EPB41L4A: variants seen among roughly 807,000 people sequenced by gnomAD.
EPB41L4A encodes the protein erythrocyte membrane protein band 4.1 like 4A.
In EPB41L4A, 100 loss-of-function variants were observed where a neutral mutation model predicts 108.6. The ratio of observed to expected loss-of-function variants is 0.92; its 90% CI spans 0.78 to 1.09. The LOEUF is 1.09. EPB41L4A is among the 50% of genes least tolerant of loss of function. The pLI, the probability that EPB41L4A is intolerant of heterozygous loss-of-function variation, is 0.00. For missense variants in EPB41L4A, 1,030 were observed against 842.7 expected (o/e 1.22, Z -2.75); for synonymous variants, 319 against 289.0 (o/e 1.10, Z -1.05).
rs369257445 is a variant in EPB41L4A, at chr5:112,184,087, A to G, written c.1551T>C (p.Ala517=). The part of the protein sequence containing the change: ...DMVDSAPQWE[A]VLRRQKEKNQ... ...TTTTTTCCTTTTGTCTCCTTAATAC[A>G]GCTTCCCACTGAGGCGCTGAATCAA... The change falls in exon 18 of 23, where the codon GCT becomes GCC. Residue 517 remains alanine (A), a synonymous_variant. Transcript: ENST00000261486. 6 of 1,613,982 alleles carry G rather than the reference A, an allele frequency of 3.7e-6. No individual in the cohort carries two copies. The highest frequency in any genetic ancestry group is 2.5e-6 in the Non-Finnish European group (3 of 1,179,944).
intron 1 of EPB41L4A, among the ~76,000 whole-genome samples, chr5:112,391,658 C>T (rs1438139492): frequency 6.6e-6 from 1 of 152,190 alleles, no homozygotes; most frequent in African/African-American, 2.4e-5. Flanking sequence ...AAACACTCTT[C>T]AGGATATTAT....
chr5:112,339,061 T>C (rs566227875), intron 1 of EPB41L4A, among the ~76,000 whole-genome samples: 12 of 151,958 alleles, frequency 7.9e-5, no homozygotes, highest in Non-Finnish European at 1.3e-4. Flanking sequence ...GAAGAGCATA[T>C]GAATGCAAGA....
In EPB41L4A at chr5:112,145,858, T is replaced by A. The variant is rs1280703938; in HGVS notation, n.1112+23A>T. On this transcript the variant is annotated intron_variant and non_coding_transcript_variant, in intron 13 of 13. Coordinates refer to the EPB41L4A transcript ENST00000507810. ...TATTAAATAGCTATTGAGACAATTATCAATATACATAATTACACTTACATC... is the reference window on the plus strand; with the variant it reads ...TATTAAATAGCTATTGAGACAATTAACAATATACATAATTACACTTACATC... 1.3e-5 allele frequency: 6 copies of A among 453,564 alleles called. No homozygotes were observed. In the Admixed American group the frequency reaches 1.4e-4, roughly 11 times the overall value. The allele number at this position is 453,564 out of a possible 1,614,324, so 28.1% of individuals were successfully genotyped here. A position where few individuals can be genotyped will look rare whatever the true frequency, so the allele number is the denominator to read the frequency against.
At chr5:112,229,677 G>A (rs1027183679) in intron 12 of EPB41L4A, among the ~76,000 whole-genome samples, 1 of 151,576 alleles carries the variant, frequency 6.6e-6, no homozygotes, top group Non-Finnish European at 1.5e-5. Flanking sequence ...TTCCATTCCT[G>A]AGTTACTTCA....
At chr5:112,175,822 G>A (rs926849371) in intron 18 of EPB41L4A, among the ~76,000 whole-genome samples, 11 of 151,982 alleles carry the variant, frequency 7.2e-5, no homozygotes, top group African/African-American at 2.4e-4. Context: ...TAAGGGATGC[G>A]GTCTCACTAT....
downstream of EPB41L4A, chr5:112,161,938 T>C (rs1164217179): frequency 6.3e-6 from 1 of 159,330 alleles, no homozygotes; most frequent in Non-Finnish European, 1.4e-5. Flanking sequence ...CCACAGCTTA[T>C]TTTTGGGAAG....
intron 1 of EPB41L4A, among the ~76,000 whole-genome samples, chr5:112,330,152 A>G (rs1173432865): frequency 6.6e-6 from 1 of 151,672 alleles, no homozygotes; most frequent in African/African-American, 2.4e-5. Context: ...TGCTGAAAGT[A>G]TTTCCCCCAC....
chr5:112,340,312 T>G (rs991662088), intron 1 of EPB41L4A, among the ~76,000 whole-genome samples: 16 of 152,190 alleles, frequency 1.1e-4, no homozygotes, highest in African/African-American at 3.4e-4. Flanking sequence ...TGAAACAGAC[T>G]GCTAGGCTCC....
intron 1 of EPB41L4A, among the ~76,000 whole-genome samples, chr5:112,404,793 G>A (rs962329189): frequency 6.6e-6 from 1 of 152,180 alleles, no homozygotes; most frequent in African/African-American, 2.4e-5. Flanking sequence ...AGGGCCTGGT[G>A]CACAGGAGGG....
Position 112,244,887 on chromosome 5 carries a change from T to C in EPB41L4A, c.796-4077A>G, listed in dbSNP as rs115015810. On this transcript the variant is annotated intron_variant, in intron 9 of 22. Coordinates refer to ENST00000261486, the MANE Select transcript of EPB41L4A (RefSeq NM_022140.5). ...CCTTATCAAGCGCCCGTGCCCTTGTTATCTACCTAATTCCTTCTTAGCTCC... is the reference window on the plus strand; with the variant it reads ...CCTTATCAAGCGCCCGTGCCCTTGTCATCTACCTAATTCCTTCTTAGCTCC... Among the ~76,000 whole-genome samples, 1,062 of 152,276 alleles carry C rather than the reference T, an allele frequency of 7.0e-3. 14 individuals are homozygous for C. Among genetic ancestry groups the C allele is most frequent in the African/African-American group, 0.024 (1,010 of 41,554 alleles).
chr5:112,364,089 G>A (rs540546270), intron 1 of EPB41L4A, among the ~76,000 whole-genome samples: 209 of 152,138 alleles, frequency 1.4e-3, no homozygotes, highest in Non-Finnish European at 2.5e-3. Flanking sequence ...GTGCAGTGGC[G>A]CAACCTCAGC....
intron 6 of EPB41L4A, among the ~76,000 whole-genome samples, chr5:112,262,793 C>T (rs1241736291): frequency 6.6e-6 from 1 of 152,108 alleles, no homozygotes; most frequent in Non-Finnish European, 1.5e-5. Flanking sequence ...TTACCAAATC[C>T]ATTCTGGCTC....
At chr5:112,392,175 AAACTAACC>A (rs1307821442) in intron 1 of EPB41L4A, among the ~76,000 whole-genome samples, 1 of 152,154 alleles carries the variant, frequency 6.6e-6, no homozygotes, top group Non-Finnish European at 1.5e-5. Flanking sequence ...ACTAATGGGA[AAACTAACC>A]AGCTAACATC....
At chr5:112,199,896 C>T (rs1204625435) in intron 15 of EPB41L4A, among the ~76,000 whole-genome samples, 1 of 152,168 alleles carries the variant, frequency 6.6e-6, no homozygotes, top group Non-Finnish European at 1.5e-5. Flanking sequence ...TGCTAGGACT[C>T]GGACAATAGC....
In EPB41L4A at chr5:112,239,603, G is replaced by A. The variant is rs1749623172; in HGVS notation, c.965+57C>T. The A allele has an allele frequency of 2.7e-6, 3 of 1,104,278 alleles. No individual in the cohort carries two copies. The East Asian group carries it at 8.2e-5, about 30-fold the overall frequency. The allele number at this position is 1,104,278 out of a possible 1,614,324, so 68.4% of individuals were successfully genotyped here. On this transcript the variant is annotated intron_variant, in intron 11 of 22. Coordinates refer to ENST00000261486, the MANE Select transcript of EPB41L4A (RefSeq NM_022140.5). ...ATAACTTCACTGAGCATGTATGACAGCTGAATTAAGTATTTATTTACAAAC... is the reference window on the plus strand; with the variant it reads ...ATAACTTCACTGAGCATGTATGACAACTGAATTAAGTATTTATTTACAAAC...
chr5:112,402,829 T>C (rs536543337), intron 1 of EPB41L4A, among the ~76,000 whole-genome samples: 1 of 152,308 alleles, frequency 6.6e-6, no homozygotes, highest in African/African-American at 2.4e-5. Flanking sequence ...ATTTTCATAC[T>C]TCAAGAAAAT....
intron 11 of EPB41L4A, among the ~76,000 whole-genome samples, chr5:112,237,001 A>G (rs1296131922): frequency 6.6e-6 from 1 of 152,184 alleles, no homozygotes; most frequent in Non-Finnish European, 1.5e-5. Context: ...CTGTGAGTTG[A>G]GTCCTACAGT....
chr5:112,341,151 G>A (rs1278642291), intron 1 of EPB41L4A, among the ~76,000 whole-genome samples: 1 of 152,136 alleles, frequency 6.6e-6, no homozygotes, highest in African/African-American at 2.4e-5. Flanking sequence ...CTTCCCATGA[G>A]AATGAAAGCT....
chr5:112,391,175 G>C (rs1257821123), intron 1 of EPB41L4A, among the ~76,000 whole-genome samples: 1 of 152,190 alleles, frequency 6.6e-6, no homozygotes, highest in Non-Finnish European at 1.5e-5. Flanking sequence ...TCCTCCAAAG[G>C]ACTGCAGCTC....
Sources: gnomAD v4.1 joint callset for allele counts (sites outside exome capture counted in the v4.1 genomes callset) on GRCh38, gnomAD v4.1.1 for gene constraint, MANE v1.5 for transcripts, NCBI Gene and HGNC (gene_info 2026-07-23, HGNC 2026-07-21) for gene names.